TENM2: variants seen among roughly 807,000 people sequenced by gnomAD.
TENM2 encodes the protein teneurin-2.
TENM2 carries 52 observed loss-of-function variants against 245.2 expected under a neutral mutation model. That is an observed-to-expected ratio of 0.21 (90% CI 0.17 to 0.27). The LOEUF (loss-of-function observed/expected upper bound fraction) is 0.27, where lower values mean the gene tolerates loss of function less well. TENM2 is among the 10% of genes least tolerant of loss of function. The probability of loss-of-function intolerance (pLI) is 1.00; values close to 1 mark genes in which losing one functional copy is unlikely to be tolerated. For synonymous variants in TENM2, 1,363 were observed against 1,438.9 expected (o/e 0.95, Z 1.19); for missense variants, 3,046 against 3,666.8 (o/e 0.83, Z 4.37).
chr5:167,621,219 G>A (rs1392268225), intron 2 of TENM2, among the ~76,000 whole-genome samples: 2 of 152,120 alleles, frequency 1.3e-5, no homozygotes, highest in Non-Finnish European at 2.9e-5. Flanking sequence ...TTACCTAAAT[G>A]AATGAATAAG....
the TENM2 span, among the ~76,000 whole-genome samples, chr5:167,007,363 G>T: frequency 3.9e-5 from 6 of 152,178 alleles, 1 homozygote; most frequent in African/African-American, 1.2e-4. The surrounding 1 kb of genome is among the most constrained non-coding windows in gnomAD (Gnocchi z 4.2). Flanking sequence ...CTAAGGAAAA[G>T]AGCTTATAGA....
chr5:167,399,589 T>C (rs1762254603), intron 2 of TENM2, among the ~76,000 whole-genome samples: 1 of 152,178 alleles, frequency 6.6e-6, no homozygotes, highest in South Asian at 2.1e-4. Flanking sequence ...TAAGCACATT[T>C]CTTTGGAATG....
intron 2 of TENM2, among the ~76,000 whole-genome samples, chr5:167,606,073 C>T (rs537162701): frequency 3.3e-5 from 5 of 152,140 alleles, no homozygotes; most frequent in Non-Finnish European, 7.3e-5. Context: ...TCCCTGAGGC[C>T]CAGCCCAGAG....
chr5:167,768,333 GTTTATT>G (rs1011850028), intron 2 of TENM2, among the ~76,000 whole-genome samples: 1 of 152,078 alleles, frequency 6.6e-6, no homozygotes, highest in African/African-American at 2.4e-5. Context: ...TGTTGGTAAG[GTTTATT>G]TTTAAACTAT....
chr5:167,023,483 G>T, the TENM2 span, among the ~76,000 whole-genome samples: 3 of 152,156 alleles, frequency 2.0e-5, no homozygotes, highest in African/African-American at 7.2e-5. Flanking sequence ...GAAATCAGAT[G>T]TGATATTAAT....
chr5:167,607,061 A>G (rs1418640427), intron 2 of TENM2, among the ~76,000 whole-genome samples: 2 of 152,124 alleles, frequency 1.3e-5, no homozygotes, highest in Non-Finnish European at 2.9e-5. Flanking sequence ...CACAAATTTA[A>G]ATATCTACAG....
At chr5:167,600,036 C>T (rs1776503409) in intron 2 of TENM2, among the ~76,000 whole-genome samples, 3 of 132,036 alleles carry the variant, frequency 2.3e-5, no homozygotes, top group African/African-American at 9.2e-5. Flanking sequence ...ATCCCAGCTA[C>T]TCGAGAGGCT....
chr5:167,362,570 A>G (rs1759782137), intron 1 of TENM2, among the ~76,000 whole-genome samples: 1 of 152,190 alleles, frequency 6.6e-6, no homozygotes, highest in African/African-American at 2.4e-5. Context: ...AGTGTTTTCA[A>G]AACATCAAGC....
chr5:168,214,372 A>C (rs1763014094), intron 20 of TENM2, among the ~76,000 whole-genome samples: 1 of 152,178 alleles, frequency 6.6e-6, no homozygotes, highest in African/African-American at 2.4e-5. Flanking sequence ...CTGTGACCTC[A>C]CTGTTACCTA....
intron 13 of TENM2, among the ~76,000 whole-genome samples, chr5:168,187,894 G>A (rs1011660804): frequency 2.6e-5 from 4 of 152,134 alleles, no homozygotes; most frequent in Admixed American, 1.3e-4. Flanking sequence ...TCAGAGCCTT[G>A]ATTTTGAAAG....
chr5:168,119,248 A>G (rs1451418777), intron 10 of TENM2, among the ~76,000 whole-genome samples: 1 of 152,202 alleles, frequency 6.6e-6, no homozygotes, highest in African/African-American at 2.4e-5. Flanking sequence ...TTTCACACAC[A>G]TGGGTGAAAA....
At chr5:167,094,635 A>G in the TENM2 span, among the ~76,000 whole-genome samples, 4 of 152,138 alleles carry the variant, frequency 2.6e-5, no homozygotes, top group Non-Finnish European at 5.9e-5. Context: ...TAAATTGATC[A>G]TGTTGAAATG....
chr5:167,052,578 T>G, the TENM2 span, among the ~76,000 whole-genome samples: 1 of 152,266 alleles, frequency 6.6e-6, no homozygotes, highest in African/African-American at 2.4e-5. Flanking sequence ...AGTGAATTAC[T>G]TAAATTGTTT....
chr5:168,088,394 A>G (rs994124628), intron 7 of TENM2: 1 of 152,186 alleles, frequency 6.6e-6, no homozygotes, highest in African/African-American at 2.4e-5. Flanking sequence ...TTTATCCCAC[A>G]AAGACAGCTG....
intron 2 of TENM2, among the ~76,000 whole-genome samples, chr5:167,741,057 C>T (rs1181731183): frequency 6.6e-6 from 1 of 152,202 alleles, no homozygotes; most frequent in African/African-American, 2.4e-5. Flanking sequence ...CCTATAGCTG[C>T]GTCTTGTCCT....
chr5:168,048,750 A>T (rs147651537), intron 6 of TENM2, among the ~76,000 whole-genome samples: 179 of 152,276 alleles, frequency 1.2e-3, no homozygotes, highest in African/African-American at 4.1e-3. Flanking sequence ...TCCTCCCCAG[A>T]GCTGTCCTAA....
intron 2 of TENM2, among the ~76,000 whole-genome samples, chr5:167,447,347 G>A (rs1027128407): frequency 1.3e-5 from 2 of 152,342 alleles, no homozygotes; most frequent in South Asian, 2.1e-4. Context: ...ACTATATGAT[G>A]TGTACTTGGT....
intron 1 of TENM2, among the ~76,000 whole-genome samples, chr5:167,313,998 G>A (rs1044297148): frequency 4.6e-5 from 7 of 152,078 alleles, no homozygotes; most frequent in East Asian, 3.9e-4. Context: ...ACCCTCTACC[G>A]GATTATGTCA....
At chr5:167,049,892 T>C in the TENM2 span, among the ~76,000 whole-genome samples, 1 of 152,198 alleles carries the variant, frequency 6.6e-6, no homozygotes, top group African/African-American at 2.4e-5. Flanking sequence ...TAGTCATCTT[T>C]CTAATGCAAG....
Sources: allele counts gnomAD v4.1 joint callset (sites outside exome capture counted in the v4.1 genomes callset), GRCh38; gene constraint gnomAD v4.1.1; non-coding constraint Gnocchi (gnomAD v3.1); transcripts MANE v1.5; gene names NCBI Gene and HGNC (gene_info 2026-07-23, HGNC 2026-07-21).